The following PI4K2A variants were observed in gnomAD, a reference collection of about 807,000 sequenced individuals.
PI4K2A encodes the protein phosphatidylinositol 4-kinase type 2-alpha.
A neutral mutation model predicts 55.0 loss-of-function variants in PI4K2A; 20 were observed. The ratio of observed to expected loss-of-function variants is 0.36; its 90% CI spans 0.26 to 0.53. PI4K2A has a LOEUF of 0.53. PI4K2A is among the 20% of genes least tolerant of loss of function. The pLI is 0.91. For synonymous variants in PI4K2A, 235 were observed against 258.5 expected (o/e 0.91, Z 0.87); for missense variants, 463 against 637.1 (o/e 0.73, Z 2.94).
intron 2 of PI4K2A, among the ~76,000 whole-genome samples, chr10:97,651,392 G>A (rs1358267463): frequency 6.6e-6 from 1 of 152,230 alleles, no homozygotes; most frequent in Admixed American, 6.5e-5. Context: ...TCTACTGCAT[G>A]TTTATGGCTC....
chr10:97,643,449 T>C (rs1246530203), intron 1 of PI4K2A, among the ~76,000 whole-genome samples: 1 of 151,912 alleles, frequency 6.6e-6, no homozygotes, highest in Non-Finnish European at 1.5e-5. Context: ...AGAAGTGAGC[T>C]GGTGCTTTGA....
chr10:97,661,718 T>C (rs1008931161), intron 4 of PI4K2A, among the ~76,000 whole-genome samples: 2 of 152,140 alleles, frequency 1.3e-5, no homozygotes, highest in Admixed American at 6.6e-5. Context: ...TTTTTTCCCT[T>C]GCCTTTTATT....
intron 1 of PI4K2A, among the ~76,000 whole-genome samples, chr10:97,642,925 CT>C (rs1314875349): frequency 5.1e-4 from 58 of 114,706 alleles, no homozygotes; most frequent in African/African-American, 1.6e-3. Context: ...TCCTTCCTTC[CT>C]TTCTTTCCTT....
chr10:97,668,821 C>A (rs987875008), intron 8 of PI4K2A, among the ~76,000 whole-genome samples: 4 of 152,124 alleles, frequency 2.6e-5, no homozygotes, highest in Non-Finnish European at 4.4e-5. Flanking sequence ...GACAGCACCT[C>A]CTGGGTTTGC....
chr10:97,651,496 G>A (rs964961449), intron 2 of PI4K2A, among the ~76,000 whole-genome samples: 5 of 152,132 alleles, frequency 3.3e-5, no homozygotes, highest in African/African-American at 1.2e-4. Flanking sequence ...CCAGCATTTC[G>A]ATACAGTCTA....
In PI4K2A at chr10:97,651,045, C is replaced by T. The variant is rs1332577483; in HGVS notation, c.540C>T (p.Gly180=). Residue 180 remains glycine (G), a synonymous_variant, in exon 2 of 9, where the codon GGC becomes GGT. Transcript: ENST00000370631. ...AGCTGTGCTGTCCTTGCTGCTTTGG[C>T]CGTGACTGCCTTGTCCTTAACCAGG... The T allele has an allele frequency of 3.7e-6, 6 of 1,613,964 alleles. No homozygotes were observed. The South Asian group carries it at 5.5e-5, about 15-fold the overall frequency.
In PI4K2A at chr10:97,656,931, G is replaced by A. The variant is rs778761131; in HGVS notation, c.879G>A (p.Gln293=). The A allele has an allele frequency of 1.9e-6, 3 of 1,614,056 alleles. No homozygotes were observed. The South Asian group carries it at 3.3e-5, about 18-fold the overall frequency. Reference sequence around the variant, plus strand: ...ACACTAACCGGCAACTACTGCTCCAGTTTGAGCGGTTGGTGGTGCTGGATT... The same window carrying A: ...ACACTAACCGGCAACTACTGCTCCAATTTGAGCGGTTGGTGGTGCTGGATT... The change falls in exon 4 of 9, where the codon CAG becomes CAA. Residue 293 remains glutamine (Q), a synonymous_variant. Transcript: ENST00000370631. This position sits in a 1 kb window ranked among gnomAD's most constrained non-coding sequence, Gnocchi z 4.5.
intron 1 of PI4K2A, among the ~76,000 whole-genome samples, chr10:97,649,992 C>T (rs1421984341): frequency 1.3e-5 from 2 of 152,086 alleles, no homozygotes; most frequent in Non-Finnish European, 2.9e-5. Flanking sequence ...TGCAGAACAA[C>T]AGTGTGCATA....
exon 2 of PI4K2A, chr10:97,651,043 G>A: frequency 6.2e-7 from 1 of 1,614,100 alleles, no homozygotes; most frequent in Non-Finnish European, 8.5e-7. Context: ...TTGCTGCTTT[G>A]GCCGTGACTG....
chr10:97,640,753 C>G (rs1009601467), exon 1 of PI4K2A: 40 of 1,505,942 alleles, frequency 2.7e-5, no homozygotes, highest in Non-Finnish European at 3.4e-5. Flanking sequence ...ATGGACGAGA[C>G]GAGCCCACTA....
chr10:97,665,255 C>T (rs905203257), intron 6 of PI4K2A, among the ~76,000 whole-genome samples: 1 of 151,910 alleles, frequency 6.6e-6, no homozygotes, highest in African/African-American at 2.4e-5. Flanking sequence ...TGTCTCTTTG[C>T]ATTCTTCTCG....
rs764800421 is a variant in PI4K2A at position 97,641,185 on chromosome 10, C to G, written c.435+8C>G. On this transcript the variant is annotated splice_region_variant and intron_variant, in intron 1 of 8. Transcript: ENST00000370631. ...GTCAAGGACCCTCAGGGGGTGAGTG[C>G]GGGGGTGGGGACCGCCGCCGCGGGC... 1 of 1,591,782 alleles carries G rather than the reference C, an allele frequency of 6.3e-7. No homozygotes were observed. Among genetic ancestry groups the G allele is most frequent in the Admixed American group, 1.7e-5 (1 of 57,772 alleles).
chr10:97,676,191 G>C (rs2041663788), exon 9 of PI4K2A: 1 of 152,106 alleles, frequency 6.6e-6, no homozygotes, highest in Admixed American at 6.5e-5. Context: ...GGATGATCCA[G>C]GTCCTCATTT....
intron 2 of PI4K2A, among the ~76,000 whole-genome samples, chr10:97,654,305 C>T (rs1312129708): frequency 6.6e-6 from 1 of 152,072 alleles, no homozygotes; most frequent in Admixed American, 6.6e-5. Flanking sequence ...GCAAGGTAGC[C>T]TTAGGAAAGC....
exon 9 of PI4K2A, chr10:97,673,666 G>A (rs770488656): frequency 2.5e-6 from 4 of 1,613,370 alleles, no homozygotes; most frequent in East Asian, 2.2e-5. Flanking sequence ...GAGACGGCCC[G>A]TTCCCACCAG....
intron 2 of PI4K2A, among the ~76,000 whole-genome samples, chr10:97,653,755 A>G (rs987882799): frequency 5.9e-5 from 9 of 152,190 alleles, no homozygotes; most frequent in Non-Finnish European, 1.2e-4. Flanking sequence ...TGTCTCTACT[A>G]AAAATACAAA....
intron 6 of PI4K2A, among the ~76,000 whole-genome samples, chr10:97,665,615 C>A (rs1473432086): frequency 6.8e-6 from 1 of 146,148 alleles, no homozygotes; most frequent in Admixed American, 6.9e-5. Context: ...TTTTTTGAGA[C>A]GGAGTCTTGC....
rs566138984 is a variant in PI4K2A, at chr10:97,641,501, CTGGGACAGCTATTCGGCCGCCGACT to C, written c.435+327_435+351del. 1.6e-4 allele frequency among the ~76,000 whole-genome samples: 24 copies of C among 152,300 alleles called. No individual in the cohort carries two copies. In the South Asian group the frequency reaches 5.0e-3, roughly 32 times the overall value. On this transcript the variant is annotated intron_variant, in intron 1 of 8. Coordinates refer to ENST00000370631, the Ensembl canonical transcript of PI4K2A. ...TAGTAGGGTACTTAGCTTCACACTACTGGGACAGCTATTCGGCCGCCGACTTGCAGATTTGGGGCTTTAGGCCTGT... is the reference window on the plus strand; with the variant it reads ...TAGTAGGGTACTTAGCTTCACACTACTGCAGATTTGGGGCTTTAGGCCTGT...
intron 8 of PI4K2A, among the ~76,000 whole-genome samples, chr10:97,673,281 G>A (rs892844854): frequency 3.5e-4 from 54 of 152,168 alleles, no homozygotes; most frequent in African/African-American, 1.2e-3. Context: ...GTGAGCCAGC[G>A]TGCCTGGCAA....
Sources: allele counts gnomAD v4.1 joint callset (sites outside exome capture counted in the v4.1 genomes callset), GRCh38; gene constraint gnomAD v4.1.1; non-coding constraint Gnocchi (gnomAD v3.1); transcripts MANE v1.5; gene names NCBI Gene and HGNC (gene_info 2026-07-23, HGNC 2026-07-21).